Variants in BCL2 observed in about 807,000 individuals in gnomAD.
The protein encoded by BCL2 is apoptosis regulator Bcl-2.
BCL2 carries 1 observed loss-of-function variant against 14.2 expected under a neutral mutation model. The ratio of observed to expected loss-of-function variants is 0.07; its 90% CI spans 0.02 to 0.33. The LOEUF (loss-of-function observed/expected upper bound fraction) is 0.33. Ranked by LOEUF, BCL2 falls within the 10% of genes least tolerant of loss-of-function variation. BCL2 has a pLI of 0.99. For synonymous variants in BCL2, 151 were observed against 137.2 expected (o/e 1.10, Z -0.70); for missense variants, 247 against 305.9 (o/e 0.81, Z 1.44).
rs1190788138 is a variant in BCL2 at position 63,314,985 on chromosome 18, AT to A, written c.585+3096del. ...AGTGGACACCTGGGAAATACTCGGT[AT>A]TCCAAGTAACACTATAGATCTTTAA... is the stretch of plus-strand genomic sequence containing the variant. On this transcript the variant is annotated intron_variant, in intron 2 of 2. Coordinates refer to ENST00000333681, the MANE Select transcript of BCL2 (RefSeq NM_000633.3). 2.0e-5 allele frequency: 3 copies of A among 152,194 alleles called. No individual in the cohort carries two copies. The East Asian group carries it at 5.8e-4, about 29-fold the overall frequency. 9.4% of individuals were successfully genotyped at this position (152,194 alleles called of 1,614,324 possible).
At chr18:63,161,277 G>A in intron 2 of BCL2, among the ~76,000 whole-genome samples, 1 of 152,162 alleles carries the variant, frequency 6.6e-6, no homozygotes, top group Non-Finnish European at 1.5e-5. Flanking sequence ...AGTAAGCAGT[G>A]CCTTGGGCTT....
intron 2 of BCL2, among the ~76,000 whole-genome samples, chr18:63,237,479 G>A (rs890190705): frequency 1.3e-5 from 2 of 152,186 alleles, no homozygotes; most frequent in African/African-American, 4.8e-5. Context: ...AGACGGACTA[G>A]GTGCCTTAAC....
At chr18:63,284,138 T>C (rs1037630057) in intron 2 of BCL2, among the ~76,000 whole-genome samples, 1 of 152,154 alleles carries the variant, frequency 6.6e-6, no homozygotes, top group African/African-American at 2.4e-5. Flanking sequence ...CTTTAAAAAA[T>C]ACTAATTCCT....
chr18:63,198,708 G>GACAC (rs1909549641), intron 2 of BCL2, among the ~76,000 whole-genome samples: 1 of 86,222 alleles, frequency 1.2e-5, no homozygotes, highest in Non-Finnish European at 2.2e-5. Context: ...CTGACACACA[G>GACAC]AGACACACAC....
intron 2 of BCL2, among the ~76,000 whole-genome samples, chr18:63,238,773 G>T (rs575004664): frequency 6.6e-6 from 1 of 152,146 alleles, no homozygotes; most frequent in Non-Finnish European, 1.5e-5. Flanking sequence ...TTCTTCCTAC[G>T]CAGAGGGCTG....
chr18:63,309,377 A>G (rs1036133377), intron 2 of BCL2, among the ~76,000 whole-genome samples: 1 of 152,240 alleles, frequency 6.6e-6, no homozygotes, highest in Non-Finnish European at 1.5e-5. Flanking sequence ...TGGAATGTCC[A>G]AAATGAAATT....
intron 2 of BCL2, among the ~76,000 whole-genome samples, chr18:63,223,405 AAAAAAAT>A (rs1910459088): frequency 8.6e-6 from 1 of 115,912 alleles, no homozygotes; most frequent in African/African-American, 2.7e-5. Context: ...GTTTCAAAAA[AAAAAAAT>A]AAATAAAGAA....
chr18:63,267,573 G>T lies in BCL2; in HGVS notation c.585+50509C>A, dbSNP rs191437356. On this transcript the variant is annotated intron_variant, in intron 2 of 2. Coordinates refer to ENST00000333681, the MANE Select transcript of BCL2 (RefSeq NM_000633.3). ...TCAAGCAAAGGAAGTGGCGGAGGGA[G>T]TAAGATGATGGGTTAAGTCCCAAAT... Among the ~76,000 whole-genome samples, 213 of 152,336 alleles carry T rather than the reference G, an allele frequency of 1.4e-3. 2 individuals are homozygous for T. The highest frequency in any genetic ancestry group is 4.8e-3 in the African/African-American group (200 of 41,572).
Position 63,199,006 on chromosome 18 carries a change from GACAC to G in BCL2, c.586-70251_586-70248del, listed in dbSNP as rs1198581758. ...ACAGAGACACCCACAGACATACACA[GACAC>G]ACACAGACACACACTGACATACAGA... On this transcript the variant is annotated intron_variant, in intron 2 of 2. Coordinates refer to ENST00000333681, the MANE Select transcript of BCL2 (RefSeq NM_000633.3). Among the ~76,000 whole-genome samples, 4 of 137,728 alleles carry G rather than the reference GACAC, an allele frequency of 2.9e-5. No individual in the cohort carries two copies. The Admixed American group carries it at 3.0e-4, about 10-fold the overall frequency. 90.4% of individuals were successfully genotyped at this position (137,728 alleles called of 152,430 possible).
intron 2 of BCL2, among the ~76,000 whole-genome samples, chr18:63,130,556 C>T (rs530026137): frequency 1.3e-5 from 2 of 152,292 alleles, no homozygotes; most frequent in African/African-American, 4.8e-5. Context: ...GAAATTACTC[C>T]TTCTATATGT....
chr18:63,220,737 A>G (rs1426561834), intron 2 of BCL2, among the ~76,000 whole-genome samples: 1 of 152,210 alleles, frequency 6.6e-6, no homozygotes, highest in Non-Finnish European at 1.5e-5. Flanking sequence ...AGGAGCTAGA[A>G]AAGGTGAAAA....
intron 2 of BCL2, among the ~76,000 whole-genome samples, chr18:63,263,208 T>C (rs1274745313): frequency 6.6e-6 from 1 of 152,136 alleles, no homozygotes; most frequent in Non-Finnish European, 1.5e-5. Context: ...GAATGAAGGC[T>C]GGGAGTTGTT....
chr18:63,296,373 C>T (rs1392392990), intron 2 of BCL2, among the ~76,000 whole-genome samples: 1 of 152,078 alleles, frequency 6.6e-6, no homozygotes, highest in African/African-American at 2.4e-5. Context: ...TCATGGCTCA[C>T]TGCAGCCTCA....
chr18:63,310,964 T>C (rs1480565457), intron 2 of BCL2, among the ~76,000 whole-genome samples: 1 of 152,174 alleles, frequency 6.6e-6, no homozygotes, highest in Non-Finnish European at 1.5e-5. Context: ...AGGATATGGC[T>C]AGGAGATAGC....
chr18:63,152,885 C>T (rs941502662), intron 2 of BCL2, among the ~76,000 whole-genome samples: 3 of 152,196 alleles, frequency 2.0e-5, no homozygotes, highest in South Asian at 2.1e-4. Flanking sequence ...GACTACAAGA[C>T]GTGAGTATAC....
At chr18:63,293,130 G>A (rs775830873) in intron 2 of BCL2, among the ~76,000 whole-genome samples, 11 of 152,174 alleles carry the variant, frequency 7.2e-5, no homozygotes, top group Admixed American at 3.3e-4. Flanking sequence ...ACCCCGCAGA[G>A]CCCAGCCAGG....
chr18:63,208,579 G>A (rs117976530), intron 2 of BCL2, among the ~76,000 whole-genome samples: 1 of 152,152 alleles, frequency 6.6e-6, no homozygotes, highest in African/African-American at 2.4e-5. Context: ...TCGTGTTGGG[G>A]GATGGTGTAT....
chr18:63,166,852 T>C (rs1915058622), intron 2 of BCL2, among the ~76,000 whole-genome samples: 1 of 152,260 alleles, frequency 6.6e-6, no homozygotes, highest in Admixed American at 6.5e-5. Context: ...GGTTGACTGA[T>C]GTACTTCCCT....
chr18:63,243,973 G>A (rs1277713751), intron 2 of BCL2, among the ~76,000 whole-genome samples: 1 of 152,228 alleles, frequency 6.6e-6, no homozygotes, highest in African/African-American at 2.4e-5. Context: ...GCCGGGTGCA[G>A]TGGCTCACGC....
Sources: allele counts gnomAD v4.1 joint callset (sites outside exome capture counted in the v4.1 genomes callset), GRCh38; gene constraint gnomAD v4.1.1; transcripts MANE v1.5; gene names NCBI Gene and HGNC (gene_info 2026-07-23, HGNC 2026-07-21).